Variants in CSMD2 observed in about 807,000 individuals in gnomAD.
CSMD2 encodes CUB and Sushi multiple domains 2.
In CSMD2, 130 loss-of-function variants were observed where a neutral mutation model predicts 398.5. The observed-to-expected ratio is 0.33, with a 90% confidence interval of 0.28 to 0.38. The LOEUF is 0.38. CSMD2 is among the 10% of genes least tolerant of loss of function. CSMD2 has a pLI of 1.00. For missense variants in CSMD2, 3,829 were observed against 4,764.9 expected, an observed-to-expected ratio of 0.80 and a Z score of 5.78; for synonymous variants, 1,828 against 1,908.5, an observed-to-expected ratio of 0.96 and a Z score of 1.10.
At chr1:33,651,910 T>C (rs1643774984) in intron 28 of CSMD2, among the ~76,000 whole-genome samples, 2 of 151,830 alleles carry the variant, frequency 1.3e-5, no homozygotes, top group Admixed American at 6.6e-5. Flanking sequence ...GAAAAGCAAG[T>C]GCAGGAGCTA....
chr1:33,850,492 T>C (rs1301077642), intron 5 of CSMD2, among the ~76,000 whole-genome samples: 1 of 152,204 alleles, frequency 6.6e-6, no homozygotes, highest in African/African-American at 2.4e-5. Context: ...CATGCAAGCA[T>C]GAAGGAAGGC....
chr1:33,643,379 C>T (rs1571058267), intron 29 of CSMD2, among the ~76,000 whole-genome samples: 1 of 152,182 alleles, frequency 6.6e-6, no homozygotes, highest in Non-Finnish European at 1.5e-5. Flanking sequence ...CAGAAAAGAA[C>T]ATGTACCGTG....
At chr1:33,637,516 C>T (rs927960196) in intron 29 of CSMD2, among the ~76,000 whole-genome samples, 2 of 152,190 alleles carry the variant, frequency 1.3e-5, no homozygotes, top group African/African-American at 4.8e-5. Context: ...CATCCCTCAC[C>T]ATCAGCTGGA....
At position 33,724,354 on chromosome 1, in the gene CSMD2, C is replaced by G. The variant is rs750228517; in HGVS notation, c.2885-41G>C. On this transcript the variant is annotated intron_variant, in intron 18 of 70. Transcript: ENST00000373381. ...AGAGGGCAGTGAAAGACCAGAGGGC[C>G]TCAGGGAGCACCCCCGTCATCCTCC... 1.0e-5 allele frequency: 16 copies of G among 1,543,502 alleles called. No homozygotes were observed. The South Asian group carries it at 1.6e-4, about 15-fold the overall frequency.
chr1:33,517,428 CT>C, intron 70 of CSMD2, among the ~76,000 whole-genome samples: 1 of 152,206 alleles, frequency 6.6e-6, no homozygotes, highest in East Asian at 1.9e-4. Context: ...GCAAGAGTGA[CT>C]GTGTGGAGGT....
chr1:33,853,600 G>T (rs1038404814), intron 5 of CSMD2, among the ~76,000 whole-genome samples: 1 of 151,566 alleles, frequency 6.6e-6, no homozygotes, highest in Admixed American at 6.6e-5. Context: ...ACTGAATCTC[G>T]GAAAGTGCAA....
chr1:34,094,188 C>T (rs1401681316), intron 1 of CSMD2, among the ~76,000 whole-genome samples: 1 of 151,194 alleles, frequency 6.6e-6, no homozygotes, highest in Non-Finnish European at 1.5e-5. Flanking sequence ...AAATAAAATA[C>T]TTTACAGACA....
At chr1:34,083,554 T>G (rs1159553939) in intron 2 of CSMD2, among the ~76,000 whole-genome samples, 1 of 152,186 alleles carries the variant, frequency 6.6e-6, no homozygotes, top group Non-Finnish European at 1.5e-5. Flanking sequence ...CATAACTAAG[T>G]TTGCTACAGT....
chr1:34,142,398 C>CTAG (rs1639383851), intron 1 of CSMD2, among the ~76,000 whole-genome samples: 1 of 152,134 alleles, frequency 6.6e-6, no homozygotes, highest in Non-Finnish European at 1.5e-5. Flanking sequence ...ACCTGGTGCC[C>CTAG]CAGGAGACGC....
At chr1:33,962,948 C>T (rs1645418215) in intron 3 of CSMD2, among the ~76,000 whole-genome samples, 2 of 152,212 alleles carry the variant, frequency 1.3e-5, no homozygotes, top group Non-Finnish European at 2.9e-5. Context: ...TTCCTTCATT[C>T]TTGTCCTTAG....
At chr1:33,959,856 T>C (rs1158829662) in intron 3 of CSMD2, among the ~76,000 whole-genome samples, 3 of 152,206 alleles carry the variant, frequency 2.0e-5, no homozygotes, top group South Asian at 2.1e-4. Context: ...TCTGAAATTA[T>C]TTTTTGATTG....
At chr1:33,805,254 T>C (rs1273847653) in intron 10 of CSMD2, among the ~76,000 whole-genome samples, 2 of 152,248 alleles carry the variant, frequency 1.3e-5, no homozygotes, top group Non-Finnish European at 2.9e-5. Flanking sequence ...AAGAGCCCTC[T>C]AGTCAACAAC....
chr1:33,648,528 A>G (rs75626154), intron 28 of CSMD2, among the ~76,000 whole-genome samples: 582 of 152,344 alleles, frequency 3.8e-3, no homozygotes, highest in African/African-American at 0.013. Context: ...GGAAGTGTAC[A>G]GTCAAAGCAA....
chr1:33,617,752 A>G (rs761764168), intron 37 of CSMD2, 135 bp from the exon 38 acceptor site: 9 of 669,862 alleles, frequency 1.3e-5, no homozygotes, highest in Admixed American at 1.1e-4. Context: ...CCTGTAGGCT[A>G]GTTCTTCCCA....
chr1:33,785,559 A>C (rs1653425186), intron 12 of CSMD2, among the ~76,000 whole-genome samples: 2 of 152,206 alleles, frequency 1.3e-5, no homozygotes, highest in Admixed American at 1.3e-4. Flanking sequence ...AATGAATGAG[A>C]TGAAGTAATG....
intron 1 of CSMD2, among the ~76,000 whole-genome samples, chr1:34,099,691 G>T (rs765194548): frequency 2.6e-5 from 4 of 152,212 alleles, no homozygotes; most frequent in Non-Finnish European, 5.9e-5. Context: ...TTCCATGTGG[G>T]AGAGGTTGAC....
chr1:33,643,915 AAG>A, intron 29 of CSMD2, among the ~76,000 whole-genome samples: 1 of 151,474 alleles, frequency 6.6e-6, no homozygotes, highest in Non-Finnish European at 1.5e-5. Context: ...GGAAGGAAGG[AAG>A]GAAGGAAGGA....
rs369908611 is a variant in CSMD2, at chr1:33,611,254, G to A, written c.6134-4C>T. 7.4e-5 allele frequency: 120 copies of A among 1,612,970 alleles called. No homozygotes were observed. Among genetic ancestry groups the A allele is most frequent in the East Asian group, 2.7e-4 (12 of 44,894 alleles). On this transcript the variant is annotated splice_polypyrimidine_tract_variant and splice_region_variant and intron_variant, in intron 40 of 70. Coordinates refer to ENST00000373381, the MANE Select transcript of CSMD2 (RefSeq NM_001281956.2). ...TTCAGGAACTGGATGTGAGCTCCTG[G>A]GAGCAAGACAGAGGCAGACAGTGCC... is the stretch of plus-strand genomic sequence containing the variant.
intron 15 of CSMD2, 102 bp downstream of exon 15, chr1:33,739,038 G>T: frequency 2.6e-6 from 3 of 1,146,248 alleles, no homozygotes; most frequent in South Asian, 1.5e-5. Context: ...AGAAGAGGAA[G>T]GACCAACGCA....
Sources: allele counts gnomAD v4.1 joint callset (sites outside exome capture counted in the v4.1 genomes callset), GRCh38; gene constraint gnomAD v4.1.1; transcripts MANE v1.5; gene names NCBI Gene and HGNC (gene_info 2026-07-23, HGNC 2026-07-21).